PASD1: variants seen among roughly 807,000 people sequenced by gnomAD.
PASD1 encodes the protein circadian clock protein PASD1.
In PASD1, 13 loss-of-function variants were observed where a neutral mutation model predicts 58.8. The observed-to-expected ratio is 0.22, with a 90% CI of 0.14 to 0.35. PASD1 has a LOEUF of 0.35. Ranked by LOEUF, PASD1 falls within the 10% of genes least tolerant of loss-of-function variation. PASD1 has a pLI of 1.00. For missense variants in PASD1, 734 were observed against 568.3 expected, an observed-to-expected ratio of 1.29 and a Z score of -2.96; for synonymous variants, 236 against 216.7, an observed-to-expected ratio of 1.09 and a Z score of -0.78.
intron 1 of PASD1, 54 bp from the exon 2 acceptor site, chrX:151,601,473 G>C: frequency 2.1e-6 from 2 of 952,295 alleles, no homozygotes; most frequent in Non-Finnish European, 3.0e-6. Flanking sequence ...TTGCTTTACT[G>C]TGATTCACCA....
chrX:151,658,930 T>C (rs1233309800), intron 9 of PASD1, among the ~76,000 whole-genome samples: 1 of 112,036 alleles, frequency 8.9e-6, no homozygotes, highest in East Asian at 2.8e-4. Flanking sequence ...TCAATAGAAA[T>C]ATTATGTATG....
At chrX:151,592,133 T>G (rs150045294) in intron 1 of PASD1, among the ~76,000 whole-genome samples, 184 of 112,006 alleles carry the variant, frequency 1.6e-3, no homozygotes, top group African/African-American at 5.7e-3. Context: ...TTTTGGCCCT[T>G]TACTTTCCAC....
chrX:151,580,252 C>G (rs891038582), intron 1 of PASD1, among the ~76,000 whole-genome samples: 1 of 112,130 alleles, frequency 8.9e-6, no homozygotes, highest in Non-Finnish European at 1.9e-5. Context: ...TCTTTATTCT[C>G]CAGAGTCAGC....
chrX:151,593,228 A>G (rs777057098), intron 1 of PASD1, among the ~76,000 whole-genome samples: 1 of 110,326 alleles, frequency 9.1e-6, no homozygotes, highest in Non-Finnish European at 1.9e-5. Flanking sequence ...ATTTAAGTTT[A>G]TTTTTTTATT....
At chrX:151,653,168 A>G (rs2014154509) in intron 9 of PASD1, among the ~76,000 whole-genome samples, 1 of 103,121 alleles carries the variant, frequency 9.7e-6, no homozygotes, top group African/African-American at 3.5e-5. Flanking sequence ...GAAAATATAT[A>G]TGTGTGTGTG....
At chrX:151,623,147 C>T in intron 7 of PASD1, 83 bp downstream of exon 7, 1 of 1,057,741 alleles carries the variant, frequency 9.5e-7, no homozygotes, top group Non-Finnish European at 1.3e-6. Context: ...GTCTGTCAGC[C>T]ACTGGACAAC....
At chrX:151,646,976 G>A (rs192278666) in intron 8 of PASD1, among the ~76,000 whole-genome samples, 1 of 112,269 alleles carries the variant, frequency 8.9e-6, no homozygotes, top group Non-Finnish European at 1.9e-5. Context: ...GAGAAAGAGG[G>A]AAGAGTCTAG....
At chrX:151,621,101 T>A in intron 5 of PASD1, 72 bp downstream of exon 5, 2 of 665,460 alleles carry the variant, frequency 3.0e-6, no homozygotes, top group Non-Finnish European at 4.6e-6. Flanking sequence ...ATGGATTAAT[T>A]TCTAAAAAGA....
Position 151,669,835 on chromosome X carries a change from A to T in PASD1, c.1072-1203A>T, listed in dbSNP as rs781614769. ...TTAATTCCAAATTTTGGCTATTGTG[A>T]ATAGTACTGCAACGAACATGGGAGT... On this transcript the variant is annotated intron_variant, in intron 11 of 15. Transcript: ENST00000370357. Among the ~76,000 whole-genome samples, 24 of 112,080 alleles carry T rather than the reference A, an allele frequency of 2.1e-4. No individual in the cohort carries two copies. The East Asian group carries it at 5.9e-3, about 27-fold the overall frequency.
Position 151,671,560 on chromosome X carries a change from T to C in PASD1, c.1231-13T>C. On this transcript the variant is annotated splice_polypyrimidine_tract_variant and intron_variant, in intron 12 of 15. Coordinates refer to ENST00000370357, the MANE Select transcript of PASD1 (RefSeq NM_173493.3). Reference sequence around the variant, plus strand: ...ACTGTGAATAAGACCTTTGTGATACTGTGTCCTTACAGAAGCAGCCAAACA... The same window carrying C: ...ACTGTGAATAAGACCTTTGTGATACCGTGTCCTTACAGAAGCAGCCAAACA... 2 of 1,206,875 alleles carry C rather than the reference T, an allele frequency of 1.7e-6. No individual in the cohort carries two copies. Among genetic ancestry groups the C allele is most frequent in the South Asian group, 1.8e-5 (1 of 56,794 alleles).
intron 1 of PASD1, among the ~76,000 whole-genome samples, chrX:151,593,218 ATTT>A (rs1485416766): frequency 7.3e-5 from 8 of 110,281 alleles, no homozygotes; most frequent in Non-Finnish European, 5.7e-5. Context: ...TTTTGTAGTT[ATTT>A]AAGTTTATTT....
chrX:151,664,522 C>T (rs55642595), intron 11 of PASD1, among the ~76,000 whole-genome samples, 174 bp downstream of exon 11: 4,790 of 112,432 alleles, frequency 0.043, 109 homozygotes, highest in Non-Finnish European at 0.062. Flanking sequence ...GTTGAGAACT[C>T]AATGGACCCT....
chrX:151,630,112 A>G (rs1466211454), intron 8 of PASD1, among the ~76,000 whole-genome samples: 1 of 112,286 alleles, frequency 8.9e-6, no homozygotes, highest in Non-Finnish European at 1.9e-5. Context: ...ATTGTTTATC[A>G]TGTAGGAAGT....
chrX:151,629,343 C>T (rs1602942402), intron 8 of PASD1, among the ~76,000 whole-genome samples: 3 of 111,147 alleles, frequency 2.7e-5, no homozygotes, highest in African/African-American at 9.8e-5. Context: ...TGGTCTCGAA[C>T]TCCTGACCTC....
Position 151,671,658 on chromosome X carries a change from C to T in PASD1, c.1316C>T (p.Ala439Val), listed in dbSNP as rs1020415876. The T allele has an allele frequency of 4.0e-5, 49 of 1,211,117 alleles. No homozygotes were observed. Among genetic ancestry groups the T allele is most frequent in the Non-Finnish European group, 5.5e-5 (49 of 894,711 alleles). The change falls in exon 13 of 16, where the codon GCT (alanine) becomes GTT (valine). Residue 439 changes from alanine (A) to valine (V), a missense_variant. Transcript: ENST00000370357. Reference protein sequence around the residue: ...AVPKKQQKQHAGQVKRPLPHP... With the variant: ...AVPKKQQKQHVGQVKRPLPHP... ...CCCAAGAAACAACAGAAACAACACG[C>T]TGGGCAAGTGAAGCGGCCTCTCCCA...
At chrX:151,636,718 T>C (rs999560816) in intron 8 of PASD1, among the ~76,000 whole-genome samples, 2 of 112,304 alleles carry the variant, frequency 1.8e-5, no homozygotes, top group Non-Finnish European at 3.8e-5. Context: ...TTTTCATTTT[T>C]AAAATTATTT....
intron 8 of PASD1, among the ~76,000 whole-genome samples, chrX:151,640,674 A>G (rs1365643072): frequency 9.0e-6 from 1 of 111,686 alleles, no homozygotes; most frequent in Non-Finnish European, 1.9e-5. Flanking sequence ...CAAATATATG[A>G]TGGGGAACTG....
intron 1 of PASD1, among the ~76,000 whole-genome samples, chrX:151,573,060 G>A (rs1169279884): frequency 5.4e-5 from 4 of 74,226 alleles, no homozygotes; most frequent in African/African-American, 2.0e-4. Context: ...GGTAGAGGTT[G>A]GGGGTGGGGG....
At chrX:151,596,982 T>C (rs1448266773) in intron 1 of PASD1, among the ~76,000 whole-genome samples, 4 of 112,500 alleles carry the variant, frequency 3.6e-5, no homozygotes, top group Non-Finnish European at 5.6e-5. Context: ...TGTTGAATTA[T>C]ATATTTTTTC....
Sources: allele counts gnomAD v4.1 joint callset (sites outside exome capture counted in the v4.1 genomes callset), GRCh38; gene constraint gnomAD v4.1.1; transcripts MANE v1.5; gene names NCBI Gene and HGNC (gene_info 2026-07-23, HGNC 2026-07-21).